KIFC3: variants seen among roughly 807,000 people sequenced by gnomAD.
KIFC3 encodes kinesin family member C3, also known as kinesin-like protein KIFC3.
KIFC3 carries 60 observed loss-of-function variants against 101.8 expected under a neutral mutation model. That is an observed-to-expected ratio of 0.59 (90% CI 0.48 to 0.73). The LOEUF is 0.73. Among genes scored for constraint, KIFC3 ranks in the 30% least tolerant of loss-of-function variants. KIFC3 has a pLI of 0.00. For missense variants in KIFC3, 966 were observed against 1,137.1 expected, an observed-to-expected ratio of 0.85 and a Z score of 2.16; for synonymous variants, 476 against 482.7, an observed-to-expected ratio of 0.99 and a Z score of 0.18.
chr16:57,814,810 T>C (rs2055182607), intron 1 of KIFC3, among the ~76,000 whole-genome samples: 1 of 152,108 alleles, frequency 6.6e-6, no homozygotes, highest in Admixed American at 6.6e-5. Context: ...TTAGTAGAGA[T>C]GGTGTTTCAC....
At chr16:57,844,484 G>A (rs1427750991) in intron 1 of KIFC3, among the ~76,000 whole-genome samples, 3 of 151,112 alleles carry the variant, frequency 2.0e-5, no homozygotes, top group African/African-American at 7.3e-5. Context: ...AAGGTCTGGT[G>A]AAGGACCCTT....
At chr16:57,854,636 A>G (rs1259469447) in intron 1 of KIFC3, among the ~76,000 whole-genome samples, 1 of 151,332 alleles carries the variant, frequency 6.6e-6, no homozygotes, top group Non-Finnish European at 1.5e-5. Flanking sequence ...TCAGAAAAAA[A>G]AAAAAAAAGA....
intron 6 of KIFC3, among the ~76,000 whole-genome samples, chr16:57,770,956 C>T (rs1159739334): frequency 1.3e-5 from 2 of 152,208 alleles, no homozygotes; most frequent in Admixed American, 6.5e-5. Flanking sequence ...GGCAAAAAGA[C>T]GAGGGCAGAA....
At position 57,813,370 on chromosome 16, in the gene KIFC3, A is replaced by T. The variant is rs184995797; in HGVS notation, c.109-15088T>A. 4.3e-4 allele frequency among the ~76,000 whole-genome samples: 66 copies of T among 152,052 alleles called. 1 individual carries two copies. The highest frequency in any genetic ancestry group is 3.4e-3 in the Middle Eastern group (1 of 294). On this transcript the variant is annotated intron_variant, in intron 1 of 2. Transcript: ENST00000563028. ...AATACAAAAATAAATAAATAAATAAATAAATAAAAGGAAAAGGAGAAGCCA... is the reference window on the plus strand; with the variant it reads ...AATACAAAAATAAATAAATAAATAATTAAATAAAAGGAAAAGGAGAAGCCA...
intron 1 of KIFC3, among the ~76,000 whole-genome samples, chr16:57,844,740 C>G (rs2055883260): frequency 6.6e-6 from 1 of 152,176 alleles, no homozygotes; most frequent in South Asian, 2.1e-4. Context: ...GCCCGTCTCG[C>G]TCTGACAGTC....
chr16:57,859,052 G>A (rs1381238686), intron 1 of KIFC3, among the ~76,000 whole-genome samples: 2 of 152,128 alleles, frequency 1.3e-5, no homozygotes, highest in Non-Finnish European at 2.9e-5. Context: ...ATTCTGTGAC[G>A]TATTCTTTGG....
intron 3 of KIFC3, chr16:57,773,697 C>T (rs373270931): frequency 1.3e-4 from 20 of 152,294 alleles, no homozygotes; most frequent in African/African-American, 4.6e-4. Context: ...CCTTAGCACT[C>T]AGCAGCATGC....
intron 3 of KIFC3, chr16:57,779,414 G>A (rs1374101545): frequency 1.3e-5 from 2 of 152,220 alleles, no homozygotes; most frequent in Admixed American, 6.5e-5. Context: ...ACTCTTTAAT[G>A]AGGCCCAAAT....
intron 1 of KIFC3, among the ~76,000 whole-genome samples, chr16:57,860,072 TAAAATAAAATAAAATAAAATA>T (rs2056268602): frequency 1.4e-5 from 2 of 145,922 alleles, no homozygotes; most frequent in East Asian, 4.6e-4. Context: ...TAAAATAAAA[TAAAATAAAATAAAATAAAATA>T]AAAACAAGTG....
At chr16:57,856,190 A>G (rs28882227) in intron 1 of KIFC3, among the ~76,000 whole-genome samples, 7 of 135,050 alleles carry the variant, frequency 5.2e-5, no homozygotes, top group East Asian at 4.0e-4. Flanking sequence ...AAAAAAAAAG[A>G]AAAAAAAAGG....
chr16:57,760,906 C>A lies in KIFC3; in HGVS notation c.2052G>T (p.Ser684=). ...CCCGCAGGCGGCTGCCCTCGGCCCC[C>A]GACTTGCCCACGCGCTCCGAGCCAG... The part of the protein sequence containing the change: ...DLAGSERVGK[S]GAEGSRLREA... The change falls in exon 16 of 20, where the codon TCG becomes TCT. Residue 684 remains serine, a synonymous_variant. Transcript: ENST00000445690. 3 of 1,609,406 alleles carry A rather than the reference C, an allele frequency of 1.9e-6. No homozygotes were observed. The highest frequency in any genetic ancestry group is 2.5e-6 in the Non-Finnish European group (3 of 1,179,404).
intron 3 of KIFC3, chr16:57,782,458 C>T (rs2149090990): frequency 6.6e-6 from 1 of 152,368 alleles, no homozygotes. Context: ...AGGAAACTGA[C>T]CTGCAGAGTG....
At chr16:57,770,737 G>A (rs377349345) in intron 6 of KIFC3, 37 bp from the exon 7 acceptor site, 23 of 1,395,822 alleles carry the variant, frequency 1.6e-5, no homozygotes, top group Admixed American at 6.4e-5. Flanking sequence ...TGGAGCCAGC[G>A]GGCACCGTAC....
chr16:57,806,417 G>C (rs371802214), upstream of KIFC3, among the ~76,000 whole-genome samples: 46 of 152,076 alleles, frequency 3.0e-4, no homozygotes, highest in African/African-American at 1.1e-3. Flanking sequence ...GGCACCAGCA[G>C]GCGGGCTCAA....
chr16:57,776,749 T>C (rs2052146145), intron 3 of KIFC3: 1 of 151,296 alleles, frequency 6.6e-6, no homozygotes, highest in Non-Finnish European at 1.5e-5. Flanking sequence ...GTGGATGAGG[T>C]TGGTAAGCAG....
intron 3 of KIFC3, among the ~76,000 whole-genome samples, chr16:57,772,643 G>T (rs548881435): frequency 6.6e-6 from 1 of 152,128 alleles, no homozygotes; most frequent in East Asian, 1.9e-4. Context: ...CCAAAGTCCT[G>T]TACCTGCCTG....
At chr16:57,850,639 C>T (rs1340181790) in intron 1 of KIFC3, among the ~76,000 whole-genome samples, 1 of 151,568 alleles carries the variant, frequency 6.6e-6, no homozygotes, top group Non-Finnish European at 1.5e-5. Flanking sequence ...CCATGCCCGG[C>T]TAATTTTTGT....
intron 6 of KIFC3, 83 bp downstream of exon 6, chr16:57,771,115 G>A (rs1020934800): frequency 6.5e-6 from 10 of 1,539,164 alleles, no homozygotes; most frequent in Non-Finnish European, 8.0e-6. Flanking sequence ...TATTCACCAG[G>A]ACAAGCCCCC....
intron 2 of KIFC3, among the ~76,000 whole-genome samples, chr16:57,796,421 G>T (rs2054326603): frequency 6.6e-6 from 1 of 152,220 alleles, no homozygotes; most frequent in South Asian, 2.1e-4. Flanking sequence ...AGAACCGGAA[G>T]CCTGGAAGGG....
Sources: allele counts gnomAD v4.1 joint callset (sites outside exome capture counted in the v4.1 genomes callset), GRCh38; gene constraint gnomAD v4.1.1; transcripts MANE v1.5; gene names NCBI Gene and HGNC (gene_info 2026-07-23, HGNC 2026-07-21).